TMEM8B: variants seen among roughly 807,000 people sequenced by gnomAD.
TMEM8B encodes the protein nasopharyngeal carcinoma expressed 6.
In TMEM8B, 29 loss-of-function variants were observed where a neutral mutation model predicts 49.3. That is an observed-to-expected ratio of 0.59 (90% CI 0.44 to 0.80). TMEM8B has a LOEUF of 0.80. Ranked by LOEUF, TMEM8B falls within the 30% of genes least tolerant of loss-of-function variation. The pLI is 0.00. For synonymous variants in TMEM8B, 264 were observed against 272.8 expected, an observed-to-expected ratio of 0.97 and a Z score of 0.32; for missense variants, 575 against 658.5, an observed-to-expected ratio of 0.87 and a Z score of 1.39.
chr9:35,840,604 G>T (rs1300409241), intron 3 of TMEM8B, among the ~76,000 whole-genome samples: 1 of 152,156 alleles, frequency 6.6e-6, no homozygotes. Flanking sequence ...GAAAGCAGAG[G>T]CTGGACAAGC....
intron 1 of TMEM8B, 108 bp from the exon 2 acceptor site, chr9:35,834,353 G>A (rs1461585972): frequency 2.5e-6 from 1 of 400,062 alleles, no homozygotes; most frequent in Non-Finnish European, 4.4e-6. Context: ...GCTCAGAGGA[G>A]AGCATTTGTG....
At chr9:35,851,356 G>C (rs986629029) in intron 10 of TMEM8B, among the ~76,000 whole-genome samples, 4 of 152,010 alleles carry the variant, frequency 2.6e-5, no homozygotes, top group African/African-American at 9.7e-5. Flanking sequence ...TGTCGCCCAG[G>C]CTGGTCTTTA....
rs1022292426 is a variant in TMEM8B at position 35,829,569 on chromosome 9, C to G, written c.122C>G (p.Pro41Arg). ...QPLPGSPSRT[P>R]FQSLPLAWPP... The stretch of plus-strand genomic sequence containing the variant: ...CTGCCTGGGTCCCCATCCAGGACCC[C>G]CTTCCAGTCTCTGCCCCTGGCCTGG... The change falls in exon 1 of 13, where the codon CCC becomes CGC. Residue 41 changes from proline to arginine, a missense_variant. Pro to Arg is a moderately radical substitution (Grantham distance 103). Coordinates refer to ENST00000643932, the MANE Select transcript of TMEM8B (RefSeq NM_001042590.4). 7.5e-6 allele frequency: 3 copies of G among 399,492 alleles called. No individual in the cohort carries two copies. Among genetic ancestry groups the G allele is most frequent in the Non-Finnish European group, 1.3e-5 (3 of 226,486 alleles). The allele number at this position is 399,492 out of a possible 1,614,324, so 24.7% of individuals were successfully genotyped here. A position where few individuals can be genotyped will look rare whatever the true frequency, so the allele number is the denominator to read the frequency against.
At chr9:35,834,069 C>CACACACA (rs768278144) in intron 1 of TMEM8B, among the ~76,000 whole-genome samples, 6 of 151,020 alleles carry the variant, frequency 4.0e-5, no homozygotes, top group African/African-American at 1.5e-4. Context: ...CACACACACA[C>CACACACA]ACCTTCCACA....
Position 35,846,349 on chromosome 9 carries a change from G to A in TMEM8B, c.1821G>A (p.Leu607=), listed in dbSNP as rs1315033926. Reference sequence around the variant, plus strand: ...TCCCGCAGACGGGGACCTGGTTCCTGGCCCTCCGCTCCCTGTGCGGGGTGG... The same window carrying A: ...TCCCGCAGACGGGGACCTGGTTCCTAGCCCTCCGCTCCCTGTGCGGGGTGG... The part of the protein sequence containing the change: ...IPFPQTGTWF[L]ALRSLCGVGP... The change falls in exon 8 of 13, where the codon CTG becomes CTA. Residue 607 remains leucine (L), a synonymous_variant. Coordinates refer to ENST00000643932, the MANE Select transcript of TMEM8B (RefSeq NM_001042590.4). 1.2e-6 allele frequency: 2 copies of A among 1,613,958 alleles called. No individual in the cohort carries two copies. Among genetic ancestry groups the A allele is most frequent in the Non-Finnish European group, 8.5e-7 (1 of 1,180,002 alleles).
intron 6 of TMEM8B, among the ~76,000 whole-genome samples, chr9:35,843,150 T>C (rs1380699369): frequency 2.0e-5 from 3 of 152,144 alleles, no homozygotes; most frequent in Non-Finnish European, 2.9e-5. Context: ...TCATCTTTGA[T>C]TCAGTGGGTA....
intron 10 of TMEM8B, 49 bp from the exon 11 acceptor site, chr9:35,852,778 C>T: frequency 6.2e-7 from 1 of 1,611,444 alleles, no homozygotes; most frequent in Non-Finnish European, 8.5e-7. Flanking sequence ...TTTTGTAGAT[C>T]TGGACCTCTG....
rs1418514170 is a variant in TMEM8B at position 35,845,984 on chromosome 9, C to T, written c.1645C>T (p.Arg549Cys). ...TACCTGCCCTCCCCAGAGCTCCGTG[C>T]GCCAGGAAAACGTGACGGTGTTTGG... ...LELQLNASSV[R>C]QENVTVFGCL... The change falls in exon 7 of 13, where the codon CGC becomes TGC. Residue 549 changes from arginine to cysteine, a missense_variant. Physicochemically the swap from Arg to Cys is radical, Grantham distance 180. Transcript: ENST00000643932. 5.6e-6 allele frequency: 9 copies of T among 1,613,634 alleles called. No homozygotes were observed. The highest frequency in any genetic ancestry group is 7.6e-6 in the Non-Finnish European group (9 of 1,179,918).
chr9:35,847,647 A>G (rs1831737352), intron 10 of TMEM8B, among the ~76,000 whole-genome samples: 1 of 152,148 alleles, frequency 6.6e-6, no homozygotes, highest in Non-Finnish European at 1.5e-5. Flanking sequence ...AGACTCAACT[A>G]TGTCCTGAGG....
At position 35,862,577 on chromosome 9, in the gene TMEM8B, T is replaced by G. The variant is rs1407038878; in HGVS notation, c.*8737T>G. 1.3e-5 allele frequency: 2 copies of G among 152,456 alleles called. No homozygotes were observed. Among genetic ancestry groups the G allele is most frequent in the Non-Finnish European group, 2.9e-5 (2 of 68,212 alleles). The allele number at this position is 152,456 out of a possible 1,614,324, so 9.4% of individuals were successfully genotyped here. A position where few individuals can be genotyped will look rare whatever the true frequency, so the allele number is the denominator to read the frequency against. ...TCCTGCCTTGCCTCCACCGCATCCC[T>G]CATGCACACCTGCTGCAGCCTCATC... is the stretch of plus-strand genomic sequence containing the variant. On this transcript the variant is annotated 3_prime_UTR_variant, in exon 13 of 13. Transcript: ENST00000643932.
Position 35,853,805 on chromosome 9 carries a change from G to A in TMEM8B, c.2740G>A (p.Gly914Arg). 6.4e-7 allele frequency: 1 copy of A among 1,562,042 alleles called. No individual in the cohort carries two copies. The highest frequency in any genetic ancestry group is 8.7e-7 in the Non-Finnish European group (1 of 1,155,624). The change falls in exon 13 of 13, where the codon GGA becomes AGA. Residue 914 changes from glycine to arginine, a missense_variant. Transcript: ENST00000643932. This position sits in a 1 kb window ranked among gnomAD's most constrained non-coding sequence, Gnocchi z 4.2. ...EQEELGLVGP[G>R]GATVSSICAS is the part of the protein sequence containing the mutation. ...GGAGGAGCTGGGCCTCGTGGGCCCA[G>A]GAGGGGCCACTGTCAGCAGCATCTG... is the stretch of plus-strand genomic sequence containing the variant.
chr9:35,848,611 C>T (rs1345475547), intron 10 of TMEM8B, among the ~76,000 whole-genome samples: 1 of 151,754 alleles, frequency 6.6e-6, no homozygotes, highest in Non-Finnish European at 1.5e-5. Context: ...AGCAGGAGTA[C>T]TAGGAGAGCC....
chr9:35,833,957 C>T (rs900747099), intron 1 of TMEM8B, among the ~76,000 whole-genome samples: 6 of 152,006 alleles, frequency 3.9e-5, no homozygotes, highest in African/African-American at 1.4e-4. Flanking sequence ...GGAAGTTACA[C>T]AGTTCCATGC....
chr9:35,835,124 G>A lies in TMEM8B; in HGVS notation c.812G>A (p.Arg271His). Residue 271 changes from arginine (R) to histidine (H), a missense_variant, in exon 3 of 13, where the codon CGC (arginine) becomes CAC (histidine). Arg to His is a conservative substitution (Grantham distance 29, BLOSUM62 0). Coordinates refer to ENST00000643932, the MANE Select transcript of TMEM8B (RefSeq NM_001042590.4). Reference protein sequence around the residue: ...SLTLSWTLPNRTSGIFNVSSP... With the variant: ...SLTLSWTLPNHTSGIFNVSSP... ...ACCCTCAGCTGGACACTGCCCAACC[G>A]CACCTCAGGCATCTTTAACGTCAGC... The A allele has an allele frequency of 4.8e-6, 2 of 415,822 alleles. No individual in the cohort carries two copies. The highest frequency in any genetic ancestry group is 8.8e-6 in the Non-Finnish European group (2 of 226,490). 25.8% of individuals were successfully genotyped at this position (415,822 alleles called of 1,614,324 possible).
intron 10 of TMEM8B, among the ~76,000 whole-genome samples, 191 bp from the exon 11 acceptor site, chr9:35,852,636 A>G (rs1008247492): frequency 6.6e-6 from 1 of 152,174 alleles, no homozygotes; most frequent in African/African-American, 2.4e-5. Context: ...TTAGTTATGT[A>G]GCAGACTGGA....
At chr9:35,840,775 A>G (rs1830904183) in intron 3 of TMEM8B, among the ~76,000 whole-genome samples, 2 of 152,108 alleles carry the variant, frequency 1.3e-5, no homozygotes, top group African/African-American at 2.4e-5. Context: ...TGCTCAGGGA[A>G]TGGGCTGGTT....
chr9:35,846,395 G>C lies in TMEM8B; in HGVS notation c.1853+14G>C, dbSNP rs1218460714. The C allele has an allele frequency of 6.8e-6, 11 of 1,608,350 alleles. No homozygotes were observed. The highest frequency in any genetic ancestry group is 2.7e-5 in the African/African-American group (2 of 74,822). On this transcript the variant is annotated intron_variant, in intron 8 of 12. Transcript: ENST00000643932. ...GGTGGGGCCTCGGTGAGCGGTGCGG[G>C]GCGGGGCCAGGGCTGGGACCGGGAC...
In TMEM8B at chr9:35,862,221, C is replaced by T. The variant is rs1398521398; in HGVS notation, c.*8381C>T. The stretch of plus-strand genomic sequence containing the variant: ...TGGAGTTTGCAGTCATTCATTCACT[C>T]ACTCGGTGACTTTGGACACCTCCCC... On this transcript the variant is annotated 3_prime_UTR_variant, in exon 13 of 13. Transcript: ENST00000643932. 6.6e-6 allele frequency: 1 copy of T among 152,268 alleles called. No individual in the cohort carries two copies. Among genetic ancestry groups the T allele is most frequent in the Non-Finnish European group, 1.5e-5 (1 of 68,072 alleles). The allele number at this position is 152,268 out of a possible 1,614,324, so 9.4% of individuals were successfully genotyped here.
Position 35,858,462 on chromosome 9 carries a change from G to C in TMEM8B, c.*4622G>C, listed in dbSNP as rs1832592003. ...TAACCCACACCCTCTAACCTAGTTT[G>C]GTTGACTCAGTATAAAGCTACCACA... On this transcript the variant is annotated 3_prime_UTR_variant, in exon 13 of 13. Coordinates refer to ENST00000643932, the MANE Select transcript of TMEM8B (RefSeq NM_001042590.4). 1.3e-5 allele frequency: 2 copies of C among 152,160 alleles called. No homozygotes were observed. Among genetic ancestry groups the C allele is most frequent in the Admixed American group, 6.5e-5 (1 of 15,270 alleles). 9.4% of individuals were successfully genotyped at this position (152,160 alleles called of 1,614,324 possible).
Sources: allele counts gnomAD v4.1 joint callset (sites outside exome capture counted in the v4.1 genomes callset), GRCh38; gene constraint gnomAD v4.1.1; non-coding constraint Gnocchi (gnomAD v3.1); transcripts MANE v1.5; gene names NCBI Gene and HGNC (gene_info 2026-07-23, HGNC 2026-07-21).